Variants in NCLN observed in about 807,000 individuals in gnomAD.
NCLN encodes the protein BOS complex subunit NCLN.
Under a neutral mutation model 69.5 loss-of-function variants are expected in NCLN, and 34 were observed. The observed-to-expected ratio is 0.49, with a 90% confidence interval of 0.37 to 0.65. NCLN has a LOEUF of 0.65. Among genes scored for constraint, NCLN ranks in the 30% least tolerant of loss-of-function variants. The pLI is 0.00. For missense variants in NCLN, 710 were observed against 804.8 expected, an observed-to-expected ratio of 0.88 and a Z score of 1.42; for synonymous variants, 393 against 358.3, an observed-to-expected ratio of 1.10 and a Z score of -1.09.
At position 3,186,153 on chromosome 19, in the gene NCLN, C is replaced by A; in HGVS notation, c.123C>A (p.Asp41Glu). The A allele has an allele frequency of 6.3e-7, 1 of 1,596,112 alleles. No homozygotes were observed. Among genetic ancestry groups the A allele is most frequent in the South Asian group, 1.1e-5 (1 of 89,314 alleles). Residue 41 changes from aspartate (D) to glutamate (E), a missense_variant, in exon 1 of 15, where the codon GAC becomes GAA. Transcript: ENST00000246117. The stretch of plus-strand genomic sequence containing the variant: ...TGGCGCCGCCGCTGCCTGCCGCCGA[C>A]GCCGCGCACGAGTTCACCGTGTACC... Reference protein sequence around the residue: ...LLVAPPLPAADAAHEFTVYRM... With the variant: ...LLVAPPLPAAEAAHEFTVYRM...
At chr19:3,194,685 G>C (rs1915912062) in intron 3 of NCLN, among the ~76,000 whole-genome samples, 1 of 151,580 alleles carries the variant, frequency 6.6e-6, no homozygotes, top group South Asian at 2.1e-4. Context: ...TAATAGAAGA[G>C]TATAGTTCTG....
chr19:3,194,744 C>CTT (rs745406038), intron 3 of NCLN, among the ~76,000 whole-genome samples: 6,289 of 136,386 alleles, frequency 0.046, 264 homozygotes, highest in East Asian at 0.2. Context: ...GAGTCGTCTT[C>CTT]TTTTTTTTTT....
chr19:3,207,113 C>A, intron 12 of NCLN, 85 bp from the exon 13 acceptor site: 2 of 1,474,214 alleles, frequency 1.4e-6, no homozygotes, highest in Non-Finnish European at 9.5e-7. Flanking sequence ...TGTGAGCCAT[C>A]GTGCCCAGTC....
chr19:3,207,557 C>G (rs928847829), intron 14 of NCLN, 72 bp from the exon 15 acceptor site: 5 of 1,607,394 alleles, frequency 3.1e-6, no homozygotes, highest in African/African-American at 1.3e-5. Context: ...TGGCCCCTGG[C>G]TCAGCCTAGA....
At chr19:3,190,323 C>T (rs1362738045) in intron 1 of NCLN, among the ~76,000 whole-genome samples, 2 of 152,142 alleles carry the variant, frequency 1.3e-5, no homozygotes, top group African/African-American at 2.4e-5. Context: ...CCCTGTGGCT[C>T]CTCCATCCCA....
chr19:3,203,819 G>C lies in NCLN; in HGVS notation c.864G>C (p.Trp288Cys). 6.2e-7 allele frequency: 1 copy of C among 1,613,190 alleles called. No homozygotes were observed. Among genetic ancestry groups the C allele is most frequent in the Non-Finnish European group, 8.5e-7 (1 of 1,179,856 alleles). The change falls in exon 7 of 15, where the codon TGG becomes TGC. Residue 288 changes from tryptophan to cysteine, a missense_variant. Physicochemically the swap from Trp to Cys is radical, Grantham distance 215. Coordinates refer to ENST00000246117, the MANE Select transcript of NCLN (RefSeq NM_020170.4). ...TTAACTACCAGGGAACCAAGCGCTG[G>C]CTGGAAGACAACCTGGACCACACAG... Reference protein sequence around the residue: ...GKFNYQGTKRWLEDNLDHTDS... With the variant: ...GKFNYQGTKRCLEDNLDHTDS...
chr19:3,204,162 G>T lies in NCLN; in HGVS notation c.1029+18G>T. ...TGGAGACGGTGGGTGCCCCTTTCAT[G>T]GATGGGTCCGGAGCTCTGCGGAGCA... On this transcript the variant is annotated intron_variant, in intron 8 of 14. Transcript: ENST00000246117. The T allele has an allele frequency of 6.7e-7, 1 of 1,503,304 alleles. No individual in the cohort carries two copies. The allele number at this position is 1,503,304 out of a possible 1,614,324, so 93.1% of individuals were successfully genotyped here.
intron 4 of NCLN, among the ~76,000 whole-genome samples, chr19:3,198,161 C>T (rs1420346649): frequency 3.3e-5 from 5 of 152,166 alleles, no homozygotes; most frequent in Non-Finnish European, 5.9e-5. Context: ...GGCTCAGCCC[C>T]GTTCCCACAA....
rs375791145 is a variant in NCLN at position 3,198,791 on chromosome 19, G to A, written c.616-26G>A. The A allele has an allele frequency of 2.3e-5, 36 of 1,567,550 alleles. No homozygotes were observed. The South Asian group carries it at 3.0e-4, about 13-fold the overall frequency. Reference sequence around the variant, plus strand: ...GGTCACCTGCCCCAGGAACAGCCAGGCCATTCCCCTGCTCTCTATCCACAG... The same window carrying A: ...GGTCACCTGCCCCAGGAACAGCCAGACCATTCCCCTGCTCTCTATCCACAG... On this transcript the variant is annotated intron_variant, in intron 4 of 14. Transcript: ENST00000246117.
intron 6 of NCLN, among the ~76,000 whole-genome samples, chr19:3,203,000 C>G (rs1916166849): frequency 6.6e-6 from 1 of 152,144 alleles, no homozygotes; most frequent in South Asian, 2.1e-4. Context: ...GGTGACCCTT[C>G]TAATAGCCAA....
intron 5 of NCLN, among the ~76,000 whole-genome samples, chr19:3,200,945 C>G (rs1230870172): frequency 6.6e-6 from 1 of 152,216 alleles, no homozygotes; most frequent in Non-Finnish European, 1.5e-5. Flanking sequence ...CCGAGGTCCC[C>G]TTTATATGCT....
rs766782078 is a variant in NCLN at position 3,196,289 on chromosome 19, C to G, written c.615+12C>G. On this transcript the variant is annotated intron_variant, in intron 4 of 14. Coordinates refer to ENST00000246117, the MANE Select transcript of NCLN (RefSeq NM_020170.4). Reference sequence around the variant, plus strand: ...TTGCCAGCGTGGAGGTGAGTGCCGCCTGCCCCGGAGCCAGCCCCACGTCCC... The same window carrying G: ...TTGCCAGCGTGGAGGTGAGTGCCGCGTGCCCCGGAGCCAGCCCCACGTCCC... 1 of 1,533,508 alleles carries G rather than the reference C, an allele frequency of 6.5e-7. No individual in the cohort carries two copies. Among genetic ancestry groups the G allele is most frequent in the Non-Finnish European group, 8.8e-7 (1 of 1,133,156 alleles). The allele number at this position is 1,533,508 out of a possible 1,614,324, so 95.0% of individuals were successfully genotyped here.
chr19:3,196,159 G>C (rs1334201603), intron 3 of NCLN, 24 bp from the exon 4 acceptor site: 1 of 1,518,436 alleles, frequency 6.6e-7, no homozygotes, highest in South Asian at 1.2e-5. Context: ...GGCCAAGGCT[G>C]ATGCGCCCTC....
intron 5 of NCLN, 80 bp downstream of exon 5, chr19:3,198,977 G>C: frequency 9.5e-7 from 1 of 1,052,724 alleles, no homozygotes; most frequent in South Asian, 2.3e-5. Flanking sequence ...CAAAGCGCCT[G>C]TAGGGGATGG....
At chr19:3,202,789 C>T (rs372121085) in intron 6 of NCLN, among the ~76,000 whole-genome samples, 1 of 152,076 alleles carries the variant, frequency 6.6e-6, no homozygotes, top group Non-Finnish European at 1.5e-5. Flanking sequence ...CTTCCCCCAG[C>T]CCCCCACTGA....
intron 1 of NCLN, among the ~76,000 whole-genome samples, chr19:3,191,446 G>C (rs533216709): frequency 5.3e-4 from 80 of 152,310 alleles, no homozygotes; most frequent in Admixed American, 9.1e-4. Flanking sequence ...AGCCCAAGCT[G>C]CTGAGCCTTC....
At position 3,199,085 on chromosome 19, in the gene NCLN, G is replaced by A. The variant is rs1018891232; in HGVS notation, c.696+188G>A. ...GGTGTCGTGGGGCTGAAACAGGCCC[G>A]GCTCTTGCCCCGGGGTCGCAGGTTC... On this transcript the variant is annotated intron_variant, in intron 5 of 14. Coordinates refer to ENST00000246117, the MANE Select transcript of NCLN (RefSeq NM_020170.4). 2.0e-5 allele frequency among the ~76,000 whole-genome samples: 3 copies of A among 152,290 alleles called. No homozygotes were observed. In the East Asian group the frequency reaches 5.8e-4, roughly 29 times the overall value.
At chr19:3,191,476 T>A (rs1915825562) in intron 1 of NCLN, among the ~76,000 whole-genome samples, 1 of 152,124 alleles carries the variant, frequency 6.6e-6, no homozygotes, top group Non-Finnish European at 1.5e-5. Context: ...AGCCCCTGGA[T>A]TTCTAGAAAG....
intron 12 of NCLN, 143 bp downstream of exon 12, chr19:3,206,568 G>A (rs955251134): frequency 6.1e-5 from 69 of 1,128,202 alleles, no homozygotes; most frequent in Non-Finnish European, 7.8e-5. Flanking sequence ...CGGACACGGC[G>A]GCTGTGCCTG....
Sources: gnomAD v4.1 joint callset for allele counts (sites outside exome capture counted in the v4.1 genomes callset) on GRCh38, gnomAD v4.1.1 for gene constraint, MANE v1.5 for transcripts, NCBI Gene and HGNC (gene_info 2026-07-23, HGNC 2026-07-21) for gene names.